The following DLGAP1 variants were observed in gnomAD, a reference collection of about 807,000 sequenced individuals.
DLGAP1 encodes the protein disks large-associated protein 1.
Under a neutral mutation model 90.8 loss-of-function variants are expected in DLGAP1, and 11 were observed. That is an observed-to-expected ratio of 0.12 (90% confidence interval 0.08 to 0.20). The LOEUF is 0.20. Among genes scored for constraint, DLGAP1 ranks in the 10% least tolerant of loss-of-function variants. The probability of loss-of-function intolerance (pLI) is 1.00; values close to 1 mark genes in which losing one functional copy is unlikely to be tolerated. For missense variants in DLGAP1, 1,050 were observed against 1,333.8 expected (o/e 0.79, Z 3.31); for synonymous variants, 558 against 540.7 (o/e 1.03, Z -0.44).
intron 1 of DLGAP1, among the ~76,000 whole-genome samples, chr18:4,317,326 T>G (rs1302448175): frequency 6.6e-6 from 1 of 152,208 alleles, no homozygotes; most frequent in Non-Finnish European, 1.5e-5. Flanking sequence ...AATGATATGT[T>G]CTGCTCACTG....
At chr18:3,662,299 T>C (rs2059711981) in intron 7 of DLGAP1, among the ~76,000 whole-genome samples, 1 of 152,118 alleles carries the variant, frequency 6.6e-6, no homozygotes, top group Non-Finnish European at 1.5e-5. Context: ...TTAATGACTG[T>C]AGAAATATTT....
chr18:3,936,103 G>A (rs1336617879), intron 3 of DLGAP1, among the ~76,000 whole-genome samples: 1 of 152,154 alleles, frequency 6.6e-6, no homozygotes, highest in Non-Finnish European at 1.5e-5. Flanking sequence ...CAGGGGTACA[G>A]GCTGAACCCC....
rs1251989310 is a variant in DLGAP1 at position 3,583,175 on chromosome 18, TACC to T, written c.1592-930_1592-928del. ...CTACCTACCTACCTACCTACCTACC[TACC>T]TACCTACCTTCCTTCCTTCCTTCCT... On this transcript the variant is annotated intron_variant, in intron 7 of 12. Transcript: ENST00000315677. Among the ~76,000 whole-genome samples the T allele has an allele frequency of 3.0e-3, 421 of 142,694 alleles. 5 individuals carry two copies. The highest frequency in any genetic ancestry group is 9.2e-3 in the African/African-American group (352 of 38,448). The allele number at this position is 142,694 out of a possible 152,430, so 93.6% of individuals were successfully genotyped here.
At chr18:4,320,118 C>T (rs988348149) in intron 1 of DLGAP1, among the ~76,000 whole-genome samples, 2 of 152,114 alleles carry the variant, frequency 1.3e-5, no homozygotes, top group East Asian at 3.9e-4. Flanking sequence ...AGGGGCATTT[C>T]CCCCTAAACA....
chr18:4,056,735 T>C (rs1220049984), intron 2 of DLGAP1, among the ~76,000 whole-genome samples: 1 of 152,044 alleles, frequency 6.6e-6, no homozygotes, highest in Admixed American at 6.6e-5. Context: ...AATTGAGACA[T>C]ACACTAAAAA....
rs138546700 is a variant in DLGAP1 at position 3,711,454 on chromosome 18, A to G, written c.1591+17681T>C. Among the ~76,000 whole-genome samples, 916 of 152,344 alleles carry G rather than the reference A, an allele frequency of 6.0e-3. 14 individuals are homozygous for G. The highest frequency in any genetic ancestry group is 0.021 in the African/African-American group (862 of 41,586). ...TGTAAAACAAAAAATAAAAATACCC[A>G]CCTAGGTGAGACAACTTCAACTTCA... is the stretch of plus-strand genomic sequence containing the variant. On this transcript the variant is annotated intron_variant, in intron 7 of 12. Coordinates refer to ENST00000315677, the MANE Select transcript of DLGAP1 (RefSeq NM_004746.4). The surrounding 1 kb of genome is among the most constrained non-coding windows in gnomAD (Gnocchi z 4.0).
rs1034133949 is a variant in DLGAP1, at chr18:4,438,322, T to C, written c.-267+16684A>G. On this transcript the variant is annotated intron_variant, in intron 1 of 12. Coordinates refer to ENST00000315677, the MANE Select transcript of DLGAP1 (RefSeq NM_004746.4). ...ATTATTTTAACTTTTTGGAAAATTA[T>C]CTGGCTATGCCACATTTCAGAATGG... Among the ~76,000 whole-genome samples the C allele has an allele frequency of 2.0e-5, 3 of 150,894 alleles. No individual in the cohort carries two copies. In the East Asian group the frequency reaches 5.8e-4, roughly 29 times the overall value.
Position 4,327,915 on chromosome 18 carries a change from G to C in DLGAP1, c.-267+127091C>G, listed in dbSNP as rs148485557. On this transcript the variant is annotated intron_variant, in intron 1 of 12. Transcript: ENST00000315677. ...GTCATATTAGCACAAAAATTATTTT[G>C]AGCTGAAGACATTTGAGTTCCTGAA... 3.4e-3 allele frequency among the ~76,000 whole-genome samples: 514 copies of C among 151,974 alleles called. 5 individuals are homozygous for C. Among genetic ancestry groups the C allele is most frequent in the Non-Finnish European group, 4.7e-3 (319 of 67,858 alleles).
At chr18:3,566,608 T>C (rs1191982036) in intron 9 of DLGAP1, among the ~76,000 whole-genome samples, 1 of 152,122 alleles carries the variant, frequency 6.6e-6, no homozygotes, top group Non-Finnish European at 1.5e-5. Context: ...ATAGATTTTA[T>C]TGAATGGATG....
chr18:3,655,510 GAACTGCCACTCACTGACACGGAC>G (rs1351733269), intron 7 of DLGAP1: 1 of 152,148 alleles, frequency 6.6e-6, no homozygotes, highest in African/African-American at 2.4e-5. Flanking sequence ...TGACTGAAGG[GAACTGCCACTCACTGACACGGAC>G]AACAGTAAAG....
chr18:3,646,849 C>T (rs1457535642), intron 7 of DLGAP1, among the ~76,000 whole-genome samples: 15 of 152,118 alleles, frequency 9.9e-5, no homozygotes, highest in African/African-American at 2.2e-4. Context: ...GGCTTGAACC[C>T]GGGAGGCGGA....
chr18:4,033,549 C>A (rs991086121), intron 2 of DLGAP1, among the ~76,000 whole-genome samples: 1 of 152,060 alleles, frequency 6.6e-6, no homozygotes, highest in Non-Finnish European at 1.5e-5. Context: ...TCAAATATGG[C>A]CAAACTGTCA....
At chr18:4,095,836 C>T (rs2075668060) in intron 2 of DLGAP1, among the ~76,000 whole-genome samples, 1 of 152,048 alleles carries the variant, frequency 6.6e-6, no homozygotes, top group African/African-American at 2.4e-5. Context: ...GAAGCTACAT[C>T]AGATTTCTCC....
At chr18:4,277,234 C>G (rs2079437689) in intron 1 of DLGAP1, among the ~76,000 whole-genome samples, 1 of 152,146 alleles carries the variant, frequency 6.6e-6, no homozygotes, top group Non-Finnish European at 1.5e-5. Flanking sequence ...AATAATGCTG[C>G]AAATTTCTGT....
intron 2 of DLGAP1, among the ~76,000 whole-genome samples, chr18:4,086,137 G>C (rs959173198): frequency 6.6e-6 from 1 of 152,132 alleles, no homozygotes; most frequent in African/African-American, 2.4e-5. Context: ...TTTGACATGG[G>C]AACAGAGCAG....
chr18:3,524,904 C>T (rs527351032), intron 10 of DLGAP1, among the ~76,000 whole-genome samples: 1 of 152,280 alleles, frequency 6.6e-6, no homozygotes, highest in Admixed American at 6.5e-5. Flanking sequence ...ATCAACAAAA[C>T]GTCTCCATAG....
chr18:4,455,283 C>CGGGCTG lies in DLGAP1; in HGVS notation c.-550_-545dup, dbSNP rs1204390228. ...GCGGAGGCTGAGCGCCGGGACGCGGCGGGCTGGGGCTGCAAGGCTGGGCTG... is the reference window on the plus strand; with the variant it reads ...GCGGAGGCTGAGCGCCGGGACGCGGCGGGCTGGGGCTGGGGCTGCAAGGCTGGGCTG... On this transcript the variant is annotated 5_prime_UTR_variant, in exon 1 of 13. Transcript: ENST00000315677. The CGGGCTG allele has an allele frequency of 6.6e-6, 1 of 152,460 alleles. No homozygotes were observed. Among genetic ancestry groups the CGGGCTG allele is most frequent in the East Asian group, 1.9e-4 (1 of 5,174 alleles). The allele number at this position is 152,460 out of a possible 1,614,324, so 9.4% of individuals were successfully genotyped here.
intron 1 of DLGAP1, among the ~76,000 whole-genome samples, chr18:4,167,523 C>T (rs1005841246): frequency 1.2e-4 from 19 of 152,168 alleles, no homozygotes; most frequent in African/African-American, 4.1e-4. Context: ...GTACATGCCA[C>T]TATCCTATAT....
At chr18:4,099,047 C>T (rs1402508992) in intron 2 of DLGAP1, among the ~76,000 whole-genome samples, 1 of 152,186 alleles carries the variant, frequency 6.6e-6, no homozygotes, top group African/African-American at 2.4e-5. Context: ...AGCTGCATTT[C>T]CCATCCATAC....
Sources: gnomAD v4.1 joint callset for allele counts (sites outside exome capture counted in the v4.1 genomes callset) on GRCh38, gnomAD v4.1.1 for gene constraint, Gnocchi (gnomAD v3.1) non-coding constraint, MANE v1.5 for transcripts, NCBI Gene and HGNC (gene_info 2026-07-23, HGNC 2026-07-21) for gene names.